TDRD6: variants seen among roughly 807,000 people sequenced by gnomAD.
TDRD6 encodes the protein tudor domain containing 6, also known as tudor domain-containing protein 6.
Under a neutral mutation model 157.5 loss-of-function variants are expected in TDRD6, and 186 were observed. That is an observed-to-expected ratio of 1.18 (90% CI 1.05 to 1.33). TDRD6 has a LOEUF of 1.33. TDRD6 is among the 40% of genes most tolerant of loss of function. TDRD6 has a pLI of 0.00. For missense variants in TDRD6, 3,066 were observed against 2,508.0 expected (o/e 1.22, Z -4.75); for synonymous variants, 1,075 against 945.2 (o/e 1.14, Z -2.52).
intron 3 of TDRD6, among the ~76,000 whole-genome samples, chr6:46,700,583 C>T (rs183150931): frequency 6.6e-6 from 1 of 152,122 alleles, no homozygotes; most frequent in Non-Finnish European, 1.5e-5. Flanking sequence ...GCACATGATG[C>T]TATTGGTTGT....
rs746338409 is a variant in TDRD6, at chr6:46,691,418, G to C, written c.3290G>C (p.Arg1097Thr). ...DVLLLPMQAV[R>T]CSLSDIPDHI... Reference sequence around the variant, plus strand: ...TTACTTTTGCCCATGCAAGCTGTCAGATGTTCATTATCTGATATTCCTGAT... The same window carrying C: ...TTACTTTTGCCCATGCAAGCTGTCACATGTTCATTATCTGATATTCCTGAT... The change falls in exon 1 of 4, where the codon AGA (arginine) becomes ACA (threonine). Residue 1097 changes from arginine (R) to threonine (T), a missense_variant. Arg to Thr is a moderately conservative substitution (Grantham distance 71). Transcript: ENST00000316081. 1.9e-6 allele frequency: 3 copies of C among 1,614,084 alleles called. No homozygotes were observed. The highest frequency in any genetic ancestry group is 2.2e-5 in the East Asian group (1 of 44,862).
In TDRD6 at chr6:46,689,561, T is replaced by A; in HGVS notation, c.1433T>A (p.Leu478Ter). The A allele has an allele frequency of 2.5e-6, 4 of 1,614,186 alleles. No individual in the cohort carries two copies. The highest frequency in any genetic ancestry group is 3.4e-6 in the Non-Finnish European group (4 of 1,180,032). Reference protein sequence around the residue: ...EVDEEISLPALRSIRLKMNAF... With the variant: ...EVDEEISLPA ...GATGAAGAGATTTCACTCCCAGCCTTAAGATCTATCAGGTTAAAGATGAAT... is the reference window on the plus strand; with the variant it reads ...GATGAAGAGATTTCACTCCCAGCCTAAAGATCTATCAGGTTAAAGATGAAT... Residue 478 changes from leucine to a stop codon, truncating the protein, a stop_gained, in exon 1 of 4, where the codon TTA (leucine) becomes TAA (stop). Coordinates refer to ENST00000316081, the MANE Select transcript of TDRD6 (RefSeq NM_001010870.3). LOFTEE classifies it high-confidence loss of function.
At position 46,688,424 on chromosome 6, in the gene TDRD6, T is replaced by C; in HGVS notation, c.296T>C (p.Leu99Pro). 1.3e-6 allele frequency: 2 copies of C among 1,540,904 alleles called. No homozygotes were observed. The highest frequency in any genetic ancestry group is 1.7e-6 in the Non-Finnish European group (2 of 1,145,958). ...RQAQESRVFL[L>P]DEGRTITAGA... is the part of the protein sequence containing the mutation. ...GCACAGGAGAGCCGTGTCTTCCTGC[T>C]GGACGAGGGCCGCACCATCACGGCC... Residue 99 changes from leucine to proline, a missense_variant, in exon 1 of 4, where the codon CTG (leucine) becomes CCG (proline). Transcript: ENST00000316081.
rs1408704492 is a variant in TDRD6, at chr6:46,689,323, C to G, written c.1195C>G (p.Leu399Val). 6.2e-7 allele frequency: 1 copy of G among 1,613,998 alleles called. No homozygotes were observed. The highest frequency in any genetic ancestry group is 1.3e-5 in the African/African-American group (1 of 74,916). The change falls in exon 1 of 4, where the codon CTG (leucine) becomes GTG (valine). Residue 399 changes from leucine to valine, a missense_variant. Physicochemically the swap from Leu to Val is conservative, Grantham distance 32 (BLOSUM62 1). Transcript: ENST00000316081. ...SRSQVGDLKT[L>V]ILGKAVNAKI... Reference sequence around the variant, plus strand: ...GTCACAGGTCGGTGACCTGAAGACACTGATACTAGGCAAGGCAGTGAATGC... The same window carrying G: ...GTCACAGGTCGGTGACCTGAAGACAGTGATACTAGGCAAGGCAGTGAATGC...
At position 46,696,048 on chromosome 6, in the gene TDRD6, A is replaced by G. The variant is rs138541841; in HGVS notation, c.6171+103A>G. On this transcript the variant is annotated intron_variant, in intron 2 of 3. Transcript: ENST00000316081. ...AGAGAACGCGATTGAACAAATGTTT[A>G]CTTGCTTGTTCCCCCTGATAACTTG... 5.0e-4 allele frequency: 652 copies of G among 1,291,890 alleles called. 2 individuals carry two copies. The East Asian group carries it at 9.3e-3, about 18-fold the overall frequency. The allele number at this position is 1,291,890 out of a possible 1,614,324, so 80.0% of individuals were successfully genotyped here.
intron 2 of TDRD6, among the ~76,000 whole-genome samples, chr6:46,696,579 GTGTA>G (rs1283737932): frequency 1.4e-3 from 67 of 48,432 alleles, no homozygotes; most frequent in East Asian, 3.7e-3. Context: ...GTGTGTGTGT[GTGTA>G]TATATATATA....
chr6:46,692,970 A>G lies in TDRD6; in HGVS notation c.4842A>G (p.Pro1614=), dbSNP rs1362155771. 4 of 1,612,950 alleles carry G rather than the reference A, an allele frequency of 2.5e-6. No homozygotes were observed. The highest frequency in any genetic ancestry group is 2.5e-6 in the Non-Finnish European group (3 of 1,179,264). The change falls in exon 1 of 4, where the codon CCA becomes CCG. Residue 1614 remains proline, a synonymous_variant. Transcript: ENST00000316081. ...DFGNIEDCVD[P]KALWAIPSEL... is the part of the protein sequence containing the mutation. ...GAAACATTGAAGACTGTGTGGACCC[A>G]AAAGCACTCTGGGCCATTCCTTCTG... is the stretch of plus-strand genomic sequence containing the variant.
rs779839002 is a variant in TDRD6 at position 46,689,538 on chromosome 6, TGAAGA to T, written c.1413_1417del (p.Glu471AspfsTer25). On this transcript the variant is annotated frameshift_variant, in exon 1 of 4. Transcript: ENST00000316081. LOFTEE classifies it high-confidence loss of function. ...CTCAGTCTCCTGCTGAAGAAGTAGA[TGAAGA>T]GATTTCACTCCCAGCCTTAAGATCT... 1 of 1,614,038 alleles carries T rather than the reference TGAAGA, an allele frequency of 6.2e-7. No homozygotes were observed. The highest frequency in any genetic ancestry group is 8.5e-7 in the Non-Finnish European group (1 of 1,179,992).
At chr6:46,683,584 TGTGA>T (rs761436654), upstream of TDRD6, among the ~76,000 whole-genome samples, 3 of 152,062 alleles carry the variant, frequency 2.0e-5, no homozygotes, top group Non-Finnish European at 4.4e-5. Flanking sequence ...AATATGAAAG[TGTGA>T]GTTTTACTGT....
In TDRD6 at chr6:46,688,666, G is replaced by C. The variant is rs775292303; in HGVS notation, c.538G>C (p.Val180Leu). 2.5e-6 allele frequency: 4 copies of C among 1,599,770 alleles called. No individual in the cohort carries two copies. Among genetic ancestry groups the C allele is most frequent in the Non-Finnish European group, 3.4e-6 (4 of 1,179,888 alleles). The change falls in exon 1 of 4, where the codon GTC becomes CTC. Residue 180 changes from valine (V) to leucine (L), a missense_variant. Val to Leu is a conservative substitution (Grantham distance 32). Coordinates refer to ENST00000316081, the MANE Select transcript of TDRD6 (RefSeq NM_001010870.3). ...VLDVLLLHRL[V>L]LLEVPDVFQQ... ...GGACGTGCTGCTGCTCCATCGCCTG[G>C]TCCTCCTGGAGGTGCCTGATGTGTT...
intron 3 of TDRD6, among the ~76,000 whole-genome samples, chr6:46,699,811 A>G (rs1224967470): frequency 6.6e-6 from 1 of 152,162 alleles, no homozygotes; most frequent in African/African-American, 2.4e-5. Context: ...AGAATTTTTC[A>G]TTGTAATCAG....
In TDRD6 at chr6:46,690,773, GCA is replaced by G; in HGVS notation, c.2646_2647del (p.Cys882TrpfsTer4). ...AAGGTTAAGGCACAGGCTTTTAGGT[GCA>G]GTCTTTATAATTTAATTCAACCAGT... On this transcript the variant is annotated frameshift_variant, in exon 1 of 4. Transcript: ENST00000316081. LOFTEE classifies it high-confidence loss of function. 1 of 1,614,118 alleles carries G rather than the reference GCA, an allele frequency of 6.2e-7. No individual in the cohort carries two copies. The highest frequency in any genetic ancestry group is 8.5e-7 in the Non-Finnish European group (1 of 1,180,002).
intron 3 of TDRD6, 55 bp downstream of exon 3, chr6:46,698,142 G>A (rs991645127): frequency 1.9e-5 from 25 of 1,323,752 alleles, no homozygotes; most frequent in Non-Finnish European, 2.7e-5. Flanking sequence ...ATTTTGAAAG[G>A]TGATTTAACA....
upstream of TDRD6, among the ~76,000 whole-genome samples, chr6:46,686,172 T>C (rs1430344105): frequency 6.6e-6 from 1 of 152,188 alleles, no homozygotes; most frequent in Non-Finnish European, 1.5e-5. Context: ...AACCCTGTGG[T>C]CTACAAAGGA....
In TDRD6 at chr6:46,688,859, C is replaced by T. The variant is rs371536719; in HGVS notation, c.731C>T (p.Pro244Leu). The change falls in exon 1 of 4, where the codon CCC (proline) becomes CTC (leucine). Residue 244 changes from proline to leucine, a missense_variant. Coordinates refer to ENST00000316081, the MANE Select transcript of TDRD6 (RefSeq NM_001010870.3). ...QKQPGLDYFYPQLQLGVTEAV... is the reference protein window; with the variant it reads ...QKQPGLDYFYLQLQLGVTEAV... ...CAGCCTGGTCTGGATTACTTCTATC[C>T]CCAGCTGCAGCTGGGCGTGACGGAG... is the stretch of plus-strand genomic sequence containing the variant. The T allele has an allele frequency of 2.5e-6, 4 of 1,610,668 alleles. No individual in the cohort carries two copies. The highest frequency in any genetic ancestry group is 3.3e-5 in the Admixed American group (2 of 59,770).
chr6:46,701,472 A>G (rs1289479279), intron 3 of TDRD6, among the ~76,000 whole-genome samples: 2 of 151,534 alleles, frequency 1.3e-5, no homozygotes, highest in African/African-American at 4.8e-5. Context: ...TAAATAATGC[A>G]GTGGTTCTTA....
chr6:46,683,410 C>A (rs775322528), upstream of TDRD6, among the ~76,000 whole-genome samples: 1 of 151,598 alleles, frequency 6.6e-6, no homozygotes, highest in Non-Finnish European at 1.5e-5. Context: ...GTTTTTTTAC[C>A]TTGGGTTAGT....
rs1764333307 is a variant in TDRD6, at chr6:46,691,812, A to G, written c.3684A>G (p.Gln1228=). Residue 1228 remains glutamine, a synonymous_variant, in exon 1 of 4, where the codon CAA becomes CAG. Transcript: ENST00000316081. ...NSSYKELKLL[Q]SLTKTNLVTQ... ...CATACAAGGAACTCAAACTTTTACA[A>G]AGTTTAACAAAAACAAACTTAGTCA... 6.9e-6 allele frequency: 11 copies of G among 1,602,034 alleles called. No homozygotes were observed. The highest frequency in any genetic ancestry group is 9.3e-6 in the Non-Finnish European group (11 of 1,177,082).
At chr6:46,696,065 GATAAC>G (rs1303718438) in intron 2 of TDRD6, 120 bp downstream of exon 2, 1 of 1,090,378 alleles carries the variant, frequency 9.2e-7, no homozygotes, top group Admixed American at 2.5e-5. Context: ...TGTTCCCCCT[GATAAC>G]TTGATGTAAT....
Sources: allele counts gnomAD v4.1 joint callset (sites outside exome capture counted in the v4.1 genomes callset), GRCh38; gene constraint gnomAD v4.1.1; transcripts MANE v1.5; gene names NCBI Gene and HGNC (gene_info 2026-07-23, HGNC 2026-07-21).